Variants in CPNE2 observed in about 807,000 individuals in gnomAD.
CPNE2 encodes copine-2.
Under a neutral mutation model 69.7 loss-of-function variants are expected in CPNE2, and 42 were observed. The ratio of observed to expected loss-of-function variants is 0.60; its 90% CI spans 0.47 to 0.78. The LOEUF (loss-of-function observed/expected upper bound fraction) is 0.78, where lower values mean the gene tolerates loss of function less well. Ranked by LOEUF, CPNE2 falls within the 30% of genes least tolerant of loss-of-function variation. CPNE2 has a pLI of 0.00. For synonymous variants in CPNE2, 294 were observed against 289.8 expected (o/e 1.01, Z -0.15); for missense variants, 587 against 732.0 (o/e 0.80, Z 2.29).
At chr16:57,121,279 G>A in intron 8 of CPNE2, 88 bp downstream of exon 8, 1 of 1,097,236 alleles carries the variant, frequency 9.1e-7, no homozygotes, top group Non-Finnish European at 1.3e-6. Context: ...GCCTGGGGCT[G>A]AGATCCCCCT....
chr16:57,131,911 T>C (rs773366063), intron 12 of CPNE2, among the ~76,000 whole-genome samples: 1 of 152,216 alleles, frequency 6.6e-6, no homozygotes, highest in Non-Finnish European at 1.5e-5. Flanking sequence ...CTGGGAGCCA[T>C]GCTCACACTC....
At chr16:57,125,108 AC>A (rs1375694429) in intron 10 of CPNE2, 1 of 334,498 alleles carries the variant, frequency 3.0e-6, no homozygotes, top group Non-Finnish European at 6.0e-6. Flanking sequence ...CCTACTTCTA[AC>A]CCTCCCCTGC....
At chr16:57,104,610 G>A (rs1243673140) in intron 1 of CPNE2, among the ~76,000 whole-genome samples, 7 of 152,330 alleles carry the variant, frequency 4.6e-5, no homozygotes, top group South Asian at 2.1e-4. Flanking sequence ...ATGCAGATAC[G>A]GCCATAGGTG....
chr16:57,100,686 C>T (rs1263116327), intron 1 of CPNE2, among the ~76,000 whole-genome samples: 1 of 152,202 alleles, frequency 6.6e-6, no homozygotes, highest in Admixed American at 6.5e-5. Flanking sequence ...GATAACACCT[C>T]ATTTGGGGAT....
intron 12 of CPNE2, 99 bp downstream of exon 12, chr16:57,128,002 G>A (rs553979896): frequency 8.1e-7 from 1 of 1,236,002 alleles, no homozygotes; most frequent in Admixed American, 1.9e-5. Context: ...CTGGGGCCCT[G>A]TTGCCCTGCC....
At chr16:57,113,980 A>C (rs2069699521) in intron 3 of CPNE2, among the ~76,000 whole-genome samples, 2 of 152,196 alleles carry the variant, frequency 1.3e-5, no homozygotes, top group Admixed American at 6.5e-5. Context: ...TCTGGGCCTC[A>C]GTTTCCCCAC....
chr16:57,102,291 A>G (rs1270518609), intron 1 of CPNE2, among the ~76,000 whole-genome samples: 8 of 152,034 alleles, frequency 5.3e-5, no homozygotes, highest in Admixed American at 5.2e-4. Context: ...TGCGTAGGTG[A>G]CCCATCTGGA....
At chr16:57,093,040 AG>A (rs1455131255) in intron 1 of CPNE2, among the ~76,000 whole-genome samples, 3 of 151,630 alleles carry the variant, frequency 2.0e-5, no homozygotes, top group South Asian at 4.2e-4. Context: ...GTCCCTGGGG[AG>A]GGGGGCGCCC....
chr16:57,099,629 AT>A (rs1455495882), intron 1 of CPNE2, among the ~76,000 whole-genome samples: 15 of 151,060 alleles, frequency 9.9e-5, no homozygotes, highest in African/African-American at 3.4e-4. Flanking sequence ...AGACAGTTTC[AT>A]TCTGTTGCCC....
At chr16:57,129,957 C>G (rs2069826056) in intron 12 of CPNE2, among the ~76,000 whole-genome samples, 1 of 152,136 alleles carries the variant, frequency 6.6e-6, no homozygotes, top group Non-Finnish European at 1.5e-5. Context: ...GAGTGAGAAA[C>G]AGCCACATGA....
intron 5 of CPNE2, among the ~76,000 whole-genome samples, chr16:57,118,707 T>C (rs930441560): frequency 6.6e-6 from 1 of 151,898 alleles, no homozygotes; most frequent in East Asian, 1.9e-4. Flanking sequence ...GATAGATAGA[T>C]AGAGTGAGTC....
chr16:57,107,080 T>G (rs1298483923), intron 1 of CPNE2, among the ~76,000 whole-genome samples: 2 of 152,168 alleles, frequency 1.3e-5, no homozygotes, highest in East Asian at 3.9e-4. Context: ...ATGGGGGCAA[T>G]TGTCCTGCAG....
At chr16:57,124,896 G>A (rs767021844) in intron 10 of CPNE2, 2 of 234,928 alleles carry the variant, frequency 8.5e-6, no homozygotes, top group Non-Finnish European at 1.8e-5. Context: ...GCACGAGTTT[G>A]TTCATTCAGC....
chr16:57,115,617 G>A, intron 4 of CPNE2, 67 bp downstream of exon 4: 1 of 1,145,640 alleles, frequency 8.7e-7, no homozygotes, highest in African/African-American at 1.6e-5. Context: ...CCATCAATGG[G>A]CCGCTTCCCT....
At chr16:57,122,492 G>T (rs1308962480) in intron 9 of CPNE2, among the ~76,000 whole-genome samples, 2 of 152,232 alleles carry the variant, frequency 1.3e-5, no homozygotes, top group Admixed American at 6.5e-5. Context: ...GTGATGGATG[G>T]TCCTTGTTTC....
intron 12 of CPNE2, among the ~76,000 whole-genome samples, chr16:57,133,088 C>T (rs2069849985): frequency 6.6e-6 from 1 of 152,156 alleles, no homozygotes; most frequent in Middle Eastern, 3.2e-3. Flanking sequence ...CCCTGGCAAC[C>T]ATTTTCTCTC....
At position 57,092,787 on chromosome 16, in the gene CPNE2, T is replaced by A. The variant is rs2069552411; in HGVS notation, c.-39T>A. 6.6e-6 allele frequency: 1 copy of A among 151,320 alleles called. No homozygotes were observed. The highest frequency in any genetic ancestry group is 2.4e-5 in the African/African-American group (1 of 41,220). The allele number at this position is 151,320 out of a possible 1,614,324, so 9.4% of individuals were successfully genotyped here. A position where few individuals can be genotyped will look rare whatever the true frequency, so the allele number is the denominator to read the frequency against. ...TGAGGGCGGTGGCGCCCGCGGGACCTGCGGTGAGTGGGGCCCGGGCAGGCG... is the reference window on the plus strand; with the variant it reads ...TGAGGGCGGTGGCGCCCGCGGGACCAGCGGTGAGTGGGGCCCGGGCAGGCG... On this transcript the variant is annotated 5_prime_UTR_variant, in exon 1 of 16. Transcript: ENST00000290776. The surrounding 1 kb of genome is among the most constrained non-coding windows in gnomAD (Gnocchi z 5.3).
chr16:57,117,072 C>T (rs1168923396), intron 4 of CPNE2, among the ~76,000 whole-genome samples: 2 of 152,096 alleles, frequency 1.3e-5, no homozygotes, highest in African/African-American at 4.8e-5. Flanking sequence ...GTTTCCCTAG[C>T]TGTACAATGA....
At chr16:57,131,587 A>G (rs1438313832) in intron 12 of CPNE2, among the ~76,000 whole-genome samples, 1 of 152,244 alleles carries the variant, frequency 6.6e-6, no homozygotes, top group Admixed American at 6.5e-5. Flanking sequence ...TGTAAATGTC[A>G]CAGGGCGATG....
Sources: gnomAD v4.1 joint callset for allele counts (sites outside exome capture counted in the v4.1 genomes callset) on GRCh38, gnomAD v4.1.1 for gene constraint, Gnocchi (gnomAD v3.1) non-coding constraint, MANE v1.5 for transcripts, NCBI Gene and HGNC (gene_info 2026-07-23, HGNC 2026-07-21) for gene names.